SYNJ1: variants seen among roughly 807,000 people sequenced by gnomAD.
The protein encoded by SYNJ1 is synaptojanin 1, also known as polyphosphatidylinositol phosphatase SYNJ1.
In SYNJ1, 78 loss-of-function variants were observed where a neutral mutation model predicts 168.2. The ratio of observed to expected loss-of-function variants is 0.46; its 90% CI spans 0.39 to 0.56. The LOEUF is 0.56. SYNJ1 is among the 20% of genes least tolerant of loss of function. The probability of loss-of-function intolerance (pLI) is 0.00; values close to 1 mark genes in which losing one functional copy is unlikely to be tolerated. For missense variants in SYNJ1, 1,303 were observed against 1,597.6 expected (o/e 0.82, Z 3.14); for synonymous variants, 539 against 548.6 (o/e 0.98, Z 0.24).
chr21:32,696,163 C>G (rs1238296562), intron 4 of SYNJ1, among the ~76,000 whole-genome samples: 1 of 152,086 alleles, frequency 6.6e-6, no homozygotes, highest in Non-Finnish European at 1.5e-5. Context: ...TGAAGCTCTA[C>G]TTTTAAGGCT....
At chr21:32,728,159 G>T, upstream of SYNJ1, 1 of 1,242,716 alleles carries the variant, frequency 8.0e-7, no homozygotes, top group Non-Finnish European at 1.1e-6. Flanking sequence ...GGCGGCCCCA[G>T]CCTCAGTCTC....
chr21:32,695,427 T>C (rs1227271223), intron 4 of SYNJ1, 145 bp from the exon 5 acceptor site: 4 of 789,862 alleles, frequency 5.1e-6, no homozygotes, highest in Non-Finnish European at 7.7e-6. Flanking sequence ...TTTACTATGC[T>C]AGGGATCAGA....
intron 21 of SYNJ1, among the ~76,000 whole-genome samples, chr21:32,655,711 A>G (rs1263289471): frequency 2.6e-5 from 4 of 152,228 alleles, no homozygotes; most frequent in Non-Finnish European, 5.9e-5. Flanking sequence ...TACCTAACTA[A>G]GCAAATGAAT....
chr21:32,707,419 T>A (rs573524754), intron 2 of SYNJ1, among the ~76,000 whole-genome samples: 1 of 151,770 alleles, frequency 6.6e-6, no homozygotes, highest in East Asian at 1.9e-4. Flanking sequence ...CCTTCCTGAG[T>A]AGCTAGGACT....
chr21:32,717,441 G>A (rs369403038), intron 2 of SYNJ1, among the ~76,000 whole-genome samples: 11 of 152,124 alleles, frequency 7.2e-5, no homozygotes, highest in African/African-American at 2.7e-4. Flanking sequence ...CTTAAACTTC[G>A]TTCTGGGATA....
intron 31 of SYNJ1, among the ~76,000 whole-genome samples, chr21:32,637,556 A>C (rs1274619470): frequency 6.6e-6 from 1 of 151,714 alleles, no homozygotes; most frequent in East Asian, 1.9e-4. Flanking sequence ...CTACAGGCGC[A>C]CACCACCATG....
At position 32,699,773 on chromosome 21, in the gene SYNJ1, T is replaced by C. The variant is rs1204336637; in HGVS notation, c.479+65A>G. 2.6e-6 allele frequency: 4 copies of C among 1,542,212 alleles called. No individual in the cohort carries two copies. In the Admixed American group the frequency reaches 6.1e-5, roughly 24 times the overall value. ...CTTGCTGTCACGGTGAGGAGGTTTT[T>C]GATGACTGAACAACTGCTGAACATA... is the stretch of plus-strand genomic sequence containing the variant. On this transcript the variant is annotated intron_variant, in intron 4 of 32. Transcript: ENST00000674351.
Position 32,720,946 on chromosome 21 carries a change from G to A in SYNJ1, c.124+5826C>T, listed in dbSNP as rs1601542278. ...TATTGAGATTGTGAATTTAATGCATGTATGTCAGACTGACAGCTTGTCCTT... is the reference window on the plus strand; with the variant it reads ...TATTGAGATTGTGAATTTAATGCATATATGTCAGACTGACAGCTTGTCCTT... On this transcript the variant is annotated intron_variant, in intron 2 of 32. Coordinates refer to ENST00000674351, the MANE Select transcript of SYNJ1 (RefSeq NM_203446.3). 2.6e-5 allele frequency among the ~76,000 whole-genome samples: 4 copies of A among 152,350 alleles called. No individual in the cohort carries two copies. In the East Asian group the frequency reaches 7.7e-4, roughly 29 times the overall value.
chr21:32,643,802 T>C (rs1291279358), intron 26 of SYNJ1, among the ~76,000 whole-genome samples: 2 of 152,218 alleles, frequency 1.3e-5, no homozygotes, highest in Non-Finnish European at 2.9e-5. Flanking sequence ...AACTCTGATA[T>C]TTGATAGTCA....
At chr21:32,671,808 A>C in intron 14 of SYNJ1, among the ~76,000 whole-genome samples, 1 of 152,160 alleles carries the variant, frequency 6.6e-6, no homozygotes, top group Non-Finnish European at 1.5e-5. Context: ...TTGTAATCAC[A>C]ACACTTTGGG....
Position 32,701,942 on chromosome 21 carries a change from T to C in SYNJ1, c.211+19A>G, listed in dbSNP as rs553611765. 34 of 1,502,132 alleles carry C rather than the reference T, an allele frequency of 2.3e-5. No individual in the cohort carries two copies. Among genetic ancestry groups the C allele is most frequent in the African/African-American group, 9.6e-5 (7 of 72,640 alleles). 93.1% of individuals were successfully genotyped at this position (1,502,132 alleles called of 1,614,324 possible). On this transcript the variant is annotated intron_variant, in intron 3 of 32. Coordinates refer to ENST00000674351, the MANE Select transcript of SYNJ1 (RefSeq NM_203446.3). ...TAGAAATGAAAAAATGGATGAATTC[T>C]ACTGAATGATAAACTTACCAAGATT...
chr21:32,728,186 C>T (rs941936034), upstream of SYNJ1: 3 of 949,776 alleles, frequency 3.2e-6, no homozygotes, highest in South Asian at 3.6e-5. Context: ...CCTTTGCCTC[C>T]TGCGGCCGCC....
At chr21:32,702,351 T>G (rs1188825294) in intron 2 of SYNJ1, among the ~76,000 whole-genome samples, 1 of 152,182 alleles carries the variant, frequency 6.6e-6, no homozygotes, top group Non-Finnish European at 1.5e-5. Context: ...TGATAAAAGC[T>G]AATGGCAACA....
chr21:32,680,622 T>C (rs372742104), intron 11 of SYNJ1, among the ~76,000 whole-genome samples: 6 of 152,144 alleles, frequency 3.9e-5, no homozygotes, highest in African/African-American at 1.4e-4. Flanking sequence ...CCATTCTTTT[T>C]TTTTTTTGGA....
At chr21:32,658,005 C>A in intron 18 of SYNJ1, 133 bp from the exon 19 acceptor site, 2 of 657,706 alleles carry the variant, frequency 3.0e-6, no homozygotes, top group Middle Eastern at 4.1e-4. Flanking sequence ...CTGATGAACA[C>A]TTCTAGCTGA....
chr21:32,653,546 T>A (rs1014618628), intron 21 of SYNJ1, 180 bp from the exon 22 acceptor site: 1 of 549,252 alleles, frequency 1.8e-6, no homozygotes, highest in African/African-American at 1.9e-5. Context: ...CTAAAAACAC[T>A]CTAACTCCAA....
At position 32,684,068 on chromosome 21, in the gene SYNJ1, T is replaced by C; in HGVS notation, c.1170A>G (p.Thr390=). ...AGCCAAGAAATGCCTGCACACTATT[T>C]GTTCTATCAAGACAATCCAAGCAGT... ...RTNCLDCLDR[T]NSVQAFLGLE... is the part of the protein sequence containing the mutation. Residue 390 remains threonine, a synonymous_variant, in exon 10 of 33, where the codon ACA becomes ACG. Coordinates refer to ENST00000674351, the MANE Select transcript of SYNJ1 (RefSeq NM_203446.3). 6.2e-7 allele frequency: 1 copy of C among 1,613,722 alleles called. No homozygotes were observed. Among genetic ancestry groups the C allele is most frequent in the Non-Finnish European group, 8.5e-7 (1 of 1,179,752 alleles).
chr21:32,691,954 A>G (rs893182943), intron 6 of SYNJ1, among the ~76,000 whole-genome samples: 1 of 152,208 alleles, frequency 6.6e-6, no homozygotes, highest in Non-Finnish European at 1.5e-5. Context: ...AGTAAACCAG[A>G]TCATAAGGAC....
At chr21:32,644,757 A>G (rs2145767585) in intron 26 of SYNJ1, among the ~76,000 whole-genome samples, 2 of 152,306 alleles carry the variant, frequency 1.3e-5, no homozygotes, top group South Asian at 4.1e-4. Flanking sequence ...TTTGTAAATG[A>G]ATCGACCACA....
Sources: allele counts gnomAD v4.1 joint callset (sites outside exome capture counted in the v4.1 genomes callset), GRCh38; gene constraint gnomAD v4.1.1; transcripts MANE v1.5; gene names NCBI Gene and HGNC (gene_info 2026-07-23, HGNC 2026-07-21).